BCOR: variants seen among roughly 807,000 people sequenced by gnomAD.
BCOR encodes the protein BCL6 corepressor, also known as BCL-6 corepressor.
Under a neutral mutation model 86.7 loss-of-function variants are expected in BCOR, and 10 were observed. That is an observed-to-expected ratio of 0.12 (90% CI 0.07 to 0.20). The LOEUF is 0.20. BCOR is among the 10% of genes least tolerant of loss of function. The pLI is 1.00. For synonymous variants in BCOR, 611 were observed against 609.0 expected (o/e 1.00, Z -0.05); for missense variants, 1,259 against 1,452.1 (o/e 0.87, Z 2.16).
rs1053412057 is a variant in BCOR, at chrX:40,111,760, T to TC, written c.-40-33792dup. Among the ~76,000 whole-genome samples the TC allele has an allele frequency of 8.2e-4, 91 of 111,291 alleles. 1 individual carries two copies. The highest frequency in any genetic ancestry group is 1.3e-3 in the Admixed American group (14 of 10,498). ...CCAACACTGCAGGGGAGTGCCCCCTTCCCCCCCAGTTTCTCTGTAGATATG... is the reference window on the plus strand; with the variant it reads ...CCAACACTGCAGGGGAGTGCCCCCTTCCCCCCCCAGTTTCTCTGTAGATATG... On this transcript the variant is annotated intron_variant, in intron 1 of 14. Coordinates refer to the BCOR transcript ENST00000342274.
intron 1 of BCOR, among the ~76,000 whole-genome samples, chrX:40,128,150 G>A (rs1298537452): frequency 2.7e-5 from 3 of 111,299 alleles, no homozygotes; most frequent in Non-Finnish European, 5.7e-5. Context: ...TCTTGAACCC[G>A]GAAGGAGGAA....
intron 1 of BCOR, among the ~76,000 whole-genome samples, chrX:40,164,522 AC>A (rs748032576): frequency 2.7e-5 from 3 of 111,958 alleles, no homozygotes; most frequent in Non-Finnish European, 5.6e-5. Context: ...TAGGACAGTG[AC>A]CTGTGTCTTC....
intron 1 of BCOR, among the ~76,000 whole-genome samples, chrX:40,105,296 G>C (rs1475549475): frequency 9.0e-6 from 1 of 111,326 alleles, no homozygotes; most frequent in East Asian, 2.9e-4. Flanking sequence ...AGAGCCGCGC[G>C]GCGGCAGCAG....
At chrX:40,125,461 T>A (rs1395044797) in intron 1 of BCOR, among the ~76,000 whole-genome samples, 2 of 111,705 alleles carry the variant, frequency 1.8e-5, no homozygotes, top group Non-Finnish European at 3.8e-5. Flanking sequence ...CTTGAACTCT[T>A]GACCTCAAGT....
chrX:40,138,778 C>T (rs185982100), intron 1 of BCOR, among the ~76,000 whole-genome samples: 1 of 111,023 alleles, frequency 9.0e-6, no homozygotes, highest in Non-Finnish European at 1.9e-5. Context: ...TGCTGTTGAA[C>T]TCCTTACCTC....
chrX:40,125,560 T>C (rs1602243508), intron 1 of BCOR, among the ~76,000 whole-genome samples: 1 of 111,007 alleles, frequency 9.0e-6, no homozygotes, highest in African/African-American at 3.3e-5. Flanking sequence ...AATCACTACA[T>C]TTTTCCTCCC....
At chrX:40,065,211 G>T (rs1238275505) in intron 6 of BCOR, among the ~76,000 whole-genome samples, 1 of 112,434 alleles carries the variant, frequency 8.9e-6, no homozygotes, top group South Asian at 3.6e-4. Flanking sequence ...CCAGGCCAGA[G>T]GGAGGCAGGG....
chrX:40,166,098 G>A (rs1298001949), intron 1 of BCOR, among the ~76,000 whole-genome samples: 1 of 112,320 alleles, frequency 8.9e-6, no homozygotes, highest in Admixed American at 9.4e-5. Context: ...ACAACCACTG[G>A]GGGCAGAGCT....
At chrX:40,138,964 G>A (rs1206290494) in intron 1 of BCOR, among the ~76,000 whole-genome samples, 1 of 110,743 alleles carries the variant, frequency 9.0e-6, no homozygotes, top group East Asian at 2.8e-4. Context: ...GGTGGCGAGA[G>A]TAACTGCCTC....
At chrX:40,159,460 C>T (rs1938367114) in intron 1 of BCOR, among the ~76,000 whole-genome samples, 1 of 112,924 alleles carries the variant, frequency 8.9e-6, no homozygotes, top group African/African-American at 3.2e-5. Context: ...CATTTTCCTG[C>T]CTCGGCCTCC....
chrX:40,128,570 A>T (rs1046465579), intron 1 of BCOR, among the ~76,000 whole-genome samples: 2 of 111,544 alleles, frequency 1.8e-5, no homozygotes, highest in African/African-American at 3.3e-5. Flanking sequence ...TTGGGGAAAA[A>T]CTCCAATGGC....
intron 10 of BCOR, 41 bp downstream of exon 10, chrX:40,062,098 C>A (rs1313368138): frequency 1.7e-6 from 2 of 1,175,043 alleles, no homozygotes; most frequent in Admixed American, 2.4e-5. Flanking sequence ...CAGGCCCCGC[C>A]CCCCAGCCTG....
chrX:40,070,878 C>CTTTTTTTCTT (rs1935441754), intron 6 of BCOR, 95 bp downstream of exon 6: 1 of 869,093 alleles, frequency 1.2e-6, no homozygotes, highest in Non-Finnish European at 1.7e-6. Flanking sequence ...GACAATCGGC[C>CTTTTTTTCTT]CTTCATTCCA....
Position 40,063,946 on chromosome X carries a change from C to T in BCOR, c.3509G>A (p.Trp1170Ter). Residue 1170 changes from tryptophan to a stop codon, truncating the protein, a stop_gained, in exon 8 of 15, where the codon TGG (tryptophan) becomes TAG (stop). Transcript: ENST00000378444. LOFTEE classifies it high-confidence loss of function. ...AKRRRVSKDD[W>*]PEREMTNSSS... ...ACTGTTTGTCATTTCCCTCTCAGGCCAGTCATCTAATGGAGAAATAACTAC... is the reference window on the plus strand; with the variant it reads ...ACTGTTTGTCATTTCCCTCTCAGGCTAGTCATCTAATGGAGAAATAACTAC... 8.4e-7 allele frequency: 1 copy of T among 1,185,118 alleles called. No individual in the cohort carries two copies. Among genetic ancestry groups the T allele is most frequent in the Non-Finnish European group, 1.1e-6 (1 of 879,114 alleles).
At chrX:40,066,232 A>C (rs1330328984) in intron 6 of BCOR, among the ~76,000 whole-genome samples, 1 of 111,530 alleles carries the variant, frequency 9.0e-6, no homozygotes, top group Non-Finnish European at 1.9e-5. Flanking sequence ...GCGTCCAAAA[A>C]CATGGCCAAG....
At chrX:40,170,496 C>CG (rs1938598167) in intron 1 of BCOR, among the ~76,000 whole-genome samples, 2 of 110,381 alleles carry the variant, frequency 1.8e-5, no homozygotes, top group Non-Finnish European at 3.8e-5. Context: ...TACAGGCGCC[C>CG]GCCACCTTGC....
chrX:40,086,859 G>A (rs1936380621), intron 1 of BCOR, among the ~76,000 whole-genome samples: 1 of 113,318 alleles, frequency 8.8e-6, no homozygotes, highest in Non-Finnish European at 1.9e-5. Context: ...CCAGCAGCTG[G>A]CAGGTTTCTC....
At chrX:40,141,817 C>T (rs1250016285) in intron 1 of BCOR, among the ~76,000 whole-genome samples, 1 of 111,593 alleles carries the variant, frequency 9.0e-6, no homozygotes, top group Non-Finnish European at 1.9e-5. Flanking sequence ...GCACTCCCAC[C>T]ACTGGGAGGA....
At position 40,125,195 on chromosome X, in the gene BCOR, T is replaced by C. The variant is rs184706203; in HGVS notation, c.-40-47226A>G. Among the ~76,000 whole-genome samples, 19 of 111,034 alleles carry C rather than the reference T, an allele frequency of 1.7e-4. No homozygotes were observed. The East Asian group carries it at 2.3e-3, about 13-fold the overall frequency. On this transcript the variant is annotated intron_variant, in intron 1 of 14. Coordinates refer to the BCOR transcript ENST00000342274. ...CTGCTATGTGCCAGGAAGTGATGCATTGGGGCAGCAGCTCCAGCAGCTGCC... is the reference window on the plus strand; with the variant it reads ...CTGCTATGTGCCAGGAAGTGATGCACTGGGGCAGCAGCTCCAGCAGCTGCC...
Sources: gnomAD v4.1 joint callset for allele counts (sites outside exome capture counted in the v4.1 genomes callset) on GRCh38, gnomAD v4.1.1 for gene constraint, MANE v1.5 for transcripts, NCBI Gene and HGNC (gene_info 2026-07-23, HGNC 2026-07-21) for gene names.